Variants in CHUK observed in about 807,000 individuals in gnomAD.
The protein encoded by CHUK is inhibitor of nuclear factor kappa-B kinase subunit alpha.
CHUK carries 35 observed loss-of-function variants against 104.8 expected under a neutral mutation model. The observed-to-expected ratio is 0.33, with a 90% CI of 0.26 to 0.44. The LOEUF (loss-of-function observed/expected upper bound fraction) is 0.44. CHUK is among the 20% of genes least tolerant of loss of function. CHUK has a pLI of 1.00. For missense variants in CHUK, 663 were observed against 902.7 expected (o/e 0.73, Z 3.40); for synonymous variants, 276 against 291.9 (o/e 0.95, Z 0.56).
intron 18 of CHUK, 186 bp downstream of exon 18, chr10:100,193,798 G>A: frequency 1.6e-6 from 1 of 642,694 alleles, no homozygotes; most frequent in South Asian, 1.9e-5. Flanking sequence ...AAATTGGAAA[G>A]GAGAGATGAT....
intron 13 of CHUK, 101 bp downstream of exon 13, chr10:100,204,405 T>C (rs945766367): frequency 7.8e-6 from 7 of 894,580 alleles, no homozygotes; most frequent in Non-Finnish European, 1.3e-5. Context: ...CTTGTTCTAA[T>C]GTGAAGGTAA....
intron 20 of CHUK, 151 bp downstream of exon 20, chr10:100,190,718 T>C (rs1845177149): frequency 1.4e-6 from 1 of 709,548 alleles, no homozygotes; most frequent in African/African-American, 1.8e-5. Context: ...GATAAGGATT[T>C]AAGGTTGAGG....
At position 100,188,841 on chromosome 10, in the gene CHUK, T is replaced by C. The variant is rs1284531904; in HGVS notation, c.*757A>G. On this transcript the variant is annotated 3_prime_UTR_variant, in exon 21 of 21. Coordinates refer to ENST00000370397, the MANE Select transcript of CHUK (RefSeq NM_001278.5). ...AAGATTGTTTAAACAAATGACTCATTTTTACAAATGAAAAAACATGTAATT... is the reference window on the plus strand; with the variant it reads ...AAGATTGTTTAAACAAATGACTCATCTTTACAAATGAAAAAACATGTAATT... 2 of 152,318 alleles carry C rather than the reference T, an allele frequency of 1.3e-5. No homozygotes were observed. Among genetic ancestry groups the C allele is most frequent in the Admixed American group, 1.3e-4 (2 of 15,302 alleles). 9.4% of individuals were successfully genotyped at this position (152,318 alleles called of 1,614,324 possible).
chr10:100,210,079 A>ATT (rs1468982651), intron 9 of CHUK, among the ~76,000 whole-genome samples: 6 of 129,448 alleles, frequency 4.6e-5, no homozygotes, highest in African/African-American at 2.2e-4. Context: ...TTATTTATTT[A>ATT]TTTATTTATT....
chr10:100,189,801 T>C (rs1232399971), intron 20 of CHUK, among the ~76,000 whole-genome samples, 174 bp from the exon 21 acceptor site: 1 of 152,080 alleles, frequency 6.6e-6, no homozygotes, highest in Non-Finnish European at 1.5e-5. Context: ...TCATAAATAT[T>C]TGAAGTAAAC....
chr10:100,222,086 A>C lies in CHUK; in HGVS notation c.385+26T>G, dbSNP rs1035456065. On this transcript the variant is annotated intron_variant, in intron 4 of 20. Transcript: ENST00000370397. ...ATGGGCCAAAGGGACATTACATTACAATGGTATTTTAATACTGATACGTAC... is the reference window on the plus strand; with the variant it reads ...ATGGGCCAAAGGGACATTACATTACCATGGTATTTTAATACTGATACGTAC... 8 of 1,182,724 alleles carry C rather than the reference A, an allele frequency of 6.8e-6. No homozygotes were observed. The African/African-American group carries it at 1.0e-4, about 16-fold the overall frequency. The allele number at this position is 1,182,724 out of a possible 1,614,324, so 73.3% of individuals were successfully genotyped here. A position where few individuals can be genotyped will look rare whatever the true frequency, so the allele number is the denominator to read the frequency against.
downstream of CHUK, chr10:100,187,536 A>C (rs748882004): frequency 6.6e-6 from 1 of 152,238 alleles, no homozygotes; most frequent in African/African-American, 2.4e-5. Flanking sequence ...TGTTTTCTGT[A>C]GACATTCTCT....
In CHUK at chr10:100,209,789, T is replaced by A; in HGVS notation, c.934A>T (p.Ile312Leu). The change falls in exon 10 of 21, where the codon ATA (isoleucine) becomes TTA (leucine). Residue 312 changes from isoleucine (I) to leucine (L), a missense_variant and splice_region_variant. Coordinates refer to ENST00000370397, the MANE Select transcript of CHUK (RefSeq NM_001278.5). ...GAAGTCATATTTAGGATGTGTACTA[T>A]CTGTATAAATAAGAAAAAAAGGTAA... ...VLMDHILNLKIVHILNMTSAK... is the reference protein window; with the variant it reads ...VLMDHILNLKLVHILNMTSAK... The A allele has an allele frequency of 3.1e-6, 4 of 1,293,976 alleles. No homozygotes were observed. Among genetic ancestry groups the A allele is most frequent in the Non-Finnish European group, 4.5e-6 (4 of 890,228 alleles). The allele number at this position is 1,293,976 out of a possible 1,614,324, so 80.2% of individuals were successfully genotyped here.
At chr10:100,213,437 G>A (rs1242087771) in intron 9 of CHUK, among the ~76,000 whole-genome samples, 2 of 150,918 alleles carry the variant, frequency 1.3e-5, no homozygotes, top group Non-Finnish European at 2.9e-5. Context: ...AGTGAGTGGA[G>A]ATTGCACCAT....
At chr10:100,198,696 A>C (rs1292169458) in intron 16 of CHUK, among the ~76,000 whole-genome samples, 1 of 152,258 alleles carries the variant, frequency 6.6e-6, no homozygotes, top group Non-Finnish European at 1.5e-5. Flanking sequence ...TCAGTAAAAT[A>C]AAAGCAGTAT....
intron 13 of CHUK, among the ~76,000 whole-genome samples, chr10:100,203,340 C>A (rs1845513620): frequency 6.6e-6 from 1 of 151,934 alleles, no homozygotes; most frequent in East Asian, 1.9e-4. Context: ...GTATAATAAG[C>A]CTTTGACAAG....
chr10:100,216,868 T>A (rs1408416051), intron 9 of CHUK, among the ~76,000 whole-genome samples: 2 of 152,078 alleles, frequency 1.3e-5, no homozygotes, highest in Non-Finnish European at 2.9e-5. Context: ...ATGCCATGGT[T>A]AGGAAGGGTA....
chr10:100,199,088 C>T (rs970623406), intron 16 of CHUK, among the ~76,000 whole-genome samples: 2 of 152,166 alleles, frequency 1.3e-5, no homozygotes, highest in African/African-American at 2.4e-5. Context: ...CAGTAAATTA[C>T]TCAATCTAGA....
At chr10:100,217,868 C>A (rs1050018834) in intron 9 of CHUK, 127 bp downstream of exon 9, 63 of 1,030,752 alleles carry the variant, frequency 6.1e-5, no homozygotes, top group Non-Finnish European at 8.0e-5. Context: ...CAGAGTGAGA[C>A]CCTGTCTCAA....
intron 10 of CHUK, 113 bp from the exon 11 acceptor site, chr10:100,207,445 A>G (rs1423052616): frequency 8.9e-6 from 6 of 675,036 alleles, no homozygotes; most frequent in Admixed American, 6.6e-5. Flanking sequence ...AACAAAATCA[A>G]TGTGTATTAC....
chr10:100,212,717 A>C (rs1845757585), intron 9 of CHUK, among the ~76,000 whole-genome samples: 1 of 152,272 alleles, frequency 6.6e-6, no homozygotes, highest in East Asian at 1.9e-4. Context: ...AGAAATACTA[A>C]ACTGAGGCTG....
At position 100,218,767 on chromosome 10, in the gene CHUK, C is replaced by T. The variant is rs1252967102; in HGVS notation, c.748G>A (p.Gly250Arg). 1 of 1,613,874 alleles carries T rather than the reference C, an allele frequency of 6.2e-7. No homozygotes were observed. The change falls in exon 8 of 21, where the codon GGA becomes AGA. Residue 250 changes from glycine (G) to arginine (R), a missense_variant. Coordinates refer to ENST00000370397, the MANE Select transcript of CHUK (RefSeq NM_001278.5). Reference protein sequence around the residue: ...KCIFACEEMSGEVRFSSHLPQ... With the variant: ...KCIFACEEMSREVRFSSHLPQ... ...AAATGGCTACTAAACCGAACTTCTC[C>T]TGACATCTCTTCACATGCAAATATA... is the stretch of plus-strand genomic sequence containing the variant.
chr10:100,198,336 T>C (rs1845384274), intron 16 of CHUK, among the ~76,000 whole-genome samples: 1 of 152,168 alleles, frequency 6.6e-6, no homozygotes, highest in Non-Finnish European at 1.5e-5. Flanking sequence ...TCACACAAAA[T>C]ATTAAAAACC....
intron 11 of CHUK, among the ~76,000 whole-genome samples, chr10:100,206,453 T>C (rs1270338101): frequency 2.0e-5 from 3 of 151,848 alleles, no homozygotes; most frequent in African/African-American, 7.3e-5. Context: ...GCCCAATTTT[T>C]TGGCAAATCT....
Sources: gnomAD v4.1 joint callset for allele counts (sites outside exome capture counted in the v4.1 genomes callset) on GRCh38, gnomAD v4.1.1 for gene constraint, MANE v1.5 for transcripts, NCBI Gene and HGNC (gene_info 2026-07-23, HGNC 2026-07-21) for gene names.